VIT: variants seen among roughly 807,000 people sequenced by gnomAD.
VIT encodes the protein vitrin.
Under a neutral mutation model 78.0 loss-of-function variants are expected in VIT, and 99 were observed. That is an observed-to-expected ratio of 1.27 (90% CI 1.08 to 1.50). The LOEUF (loss-of-function observed/expected upper bound fraction) is 1.50, where lower values mean the gene tolerates loss of function less well. VIT is among the 40% of genes most tolerant of loss of function. The pLI is 0.00. For synonymous variants in VIT, 374 were observed against 334.3 expected, an observed-to-expected ratio of 1.12 and a Z score of -1.29; for missense variants, 1,126 against 875.3, an observed-to-expected ratio of 1.29 and a Z score of -3.61.
At chr2:36,765,076 T>C (rs1274510733) in intron 6 of VIT, among the ~76,000 whole-genome samples, 1 of 152,164 alleles carries the variant, frequency 6.6e-6, no homozygotes, top group Non-Finnish European at 1.5e-5. Context: ...CATTGAATGT[T>C]TCCTTATATG....
At chr2:36,808,397 G>C (rs559209955) in intron 14 of VIT, 75 bp from the exon 15 acceptor site, 38 of 1,508,012 alleles carry the variant, frequency 2.5e-5, no homozygotes, top group Non-Finnish European at 3.1e-5. Flanking sequence ...CACCTGCCCC[G>C]GGGGATCAAG....
At chr2:36,721,370 T>A (rs1458068338) in intron 2 of VIT, among the ~76,000 whole-genome samples, 1 of 152,160 alleles carries the variant, frequency 6.6e-6, no homozygotes, top group Non-Finnish European at 1.5e-5. Flanking sequence ...TCCTCATGTG[T>A]CTGCCTCCCT....
intron 13 of VIT, among the ~76,000 whole-genome samples, chr2:36,801,774 TGAAA>T (rs1558586806): frequency 3.2e-5 from 4 of 125,274 alleles, no homozygotes; most frequent in Non-Finnish European, 5.0e-5. Context: ...AGACTCCATC[TGAAA>T]AAAAAAAAAA....
intron 11 of VIT, among the ~76,000 whole-genome samples, chr2:36,786,864 G>A (rs1301286351): frequency 1.8e-4 from 27 of 152,230 alleles, no homozygotes; most frequent in Admixed American, 1.8e-3. Flanking sequence ...TGGCTAGGAC[G>A]TCGCTGCTTC....
chr2:36,791,962 G>A (rs1194660383), intron 12 of VIT, among the ~76,000 whole-genome samples: 1 of 152,258 alleles, frequency 6.6e-6, no homozygotes, highest in South Asian at 2.1e-4. Context: ...GGGAGGGGCT[G>A]GGGCATGAAA....
Position 36,808,895 on chromosome 2 carries a change from A to G in VIT, c.1813A>G (p.Lys605Glu). The change falls in exon 15 of 16, where the codon AAG becomes GAG. Residue 605 changes from lysine (K) to glutamate (E), a missense_variant. Transcript: ENST00000379242. ...CCTGGAGCAGCTCTTCAAGAAGTCC[A>G]AGCCCAACAAGAGGAAGTTAATGAT... Reference protein sequence around the residue: ...FALEQLFKKSKPNKRKLMILI... With the variant: ...FALEQLFKKSEPNKRKLMILI... 6.2e-7 allele frequency: 1 copy of G among 1,614,122 alleles called. No individual in the cohort carries two copies. The highest frequency in any genetic ancestry group is 8.5e-7 in the Non-Finnish European group (1 of 1,180,006).
intron 7 of VIT, among the ~76,000 whole-genome samples, chr2:36,770,754 T>A (rs1401361406): frequency 3.3e-5 from 5 of 152,178 alleles, no homozygotes; most frequent in Non-Finnish European, 7.3e-5. Flanking sequence ...TACCACAGGC[T>A]AAGGAGGTGG....
chr2:36,812,377 G>C (rs1667237628), intron 15 of VIT, among the ~76,000 whole-genome samples: 1 of 152,096 alleles, frequency 6.6e-6, no homozygotes, highest in South Asian at 2.1e-4. Flanking sequence ...TGGCCATTTT[G>C]CTTACCCTAC....
chr2:36,812,369 G>C (rs777875148), intron 15 of VIT, among the ~76,000 whole-genome samples: 1 of 152,086 alleles, frequency 6.6e-6, no homozygotes, highest in Non-Finnish European at 1.5e-5. Context: ...CTGTTTCATG[G>C]CCATTTTGCT....
chr2:36,789,567 A>C (rs1377944137), intron 12 of VIT, among the ~76,000 whole-genome samples: 3 of 152,114 alleles, frequency 2.0e-5, no homozygotes, highest in African/African-American at 7.2e-5. Context: ...AGGGGGAGAC[A>C]CATTTATTCA....
At chr2:36,753,088 C>T (rs1258430203) in intron 4 of VIT, among the ~76,000 whole-genome samples, 1 of 152,096 alleles carries the variant, frequency 6.6e-6, no homozygotes, top group Non-Finnish European at 1.5e-5. Flanking sequence ...CCATTATCCT[C>T]AGCAAACTAA....
chr2:36,728,902 G>A (rs899979212), intron 2 of VIT, among the ~76,000 whole-genome samples: 4 of 149,578 alleles, frequency 2.7e-5, no homozygotes, highest in African/African-American at 7.4e-5. Flanking sequence ...CTACGGCTTT[G>A]TACAGTAATA....
At chr2:36,794,410 G>A (rs1341636280) in intron 12 of VIT, among the ~76,000 whole-genome samples, 1 of 152,162 alleles carries the variant, frequency 6.6e-6, no homozygotes, top group Non-Finnish European at 1.5e-5. Context: ...TAAAAATTTA[G>A]TGGCATACCT....
At chr2:36,813,064 T>C (rs1667301735) in intron 15 of VIT, among the ~76,000 whole-genome samples, 1 of 149,922 alleles carries the variant, frequency 6.7e-6, no homozygotes, top group Admixed American at 6.6e-5. Flanking sequence ...AAATAGGATT[T>C]TTTGTGACCT....
At chr2:36,813,405 CA>C (rs1237240007) in intron 15 of VIT, among the ~76,000 whole-genome samples, 2 of 152,104 alleles carry the variant, frequency 1.3e-5, no homozygotes, top group Non-Finnish European at 2.9e-5. Context: ...GTGGAGGTCA[CA>C]CCATTGCACT....
intron 1 of VIT, among the ~76,000 whole-genome samples, chr2:36,705,501 A>G (rs1350318939): frequency 6.6e-6 from 1 of 152,174 alleles, no homozygotes; most frequent in East Asian, 1.9e-4. Context: ...CACAAGACCA[A>G]AAAAGGCTTT....
At chr2:36,702,663 G>A (rs1383528100) in intron 1 of VIT, among the ~76,000 whole-genome samples, 1 of 152,086 alleles carries the variant, frequency 6.6e-6, no homozygotes, top group Non-Finnish European at 1.5e-5. Context: ...GTTGAAGTGG[G>A]TACAGGGAGG....
intron 9 of VIT, among the ~76,000 whole-genome samples, chr2:36,778,634 C>T (rs185965789): frequency 1.6e-3 from 240 of 152,322 alleles, no homozygotes; most frequent in Non-Finnish European, 2.8e-3. Context: ...TGATGGCTTA[C>T]GCCCAGGACC....
intron 2 of VIT, among the ~76,000 whole-genome samples, chr2:36,718,897 C>G (rs1268355196): frequency 6.6e-6 from 1 of 152,222 alleles, no homozygotes; most frequent in African/African-American, 2.4e-5. Flanking sequence ...TTCTACCTTG[C>G]CCCTTTGGGA....
Sources: gnomAD v4.1 joint callset for allele counts (sites outside exome capture counted in the v4.1 genomes callset) on GRCh38, gnomAD v4.1.1 for gene constraint, MANE v1.5 for transcripts, NCBI Gene and HGNC (gene_info 2026-07-23, HGNC 2026-07-21) for gene names.